Variants in BBOF1 observed in about 807,000 individuals in gnomAD.
The protein encoded by BBOF1 is basal body orientation factor 1.
Under a neutral mutation model 68.0 loss-of-function variants are expected in BBOF1, and 62 were observed. The ratio of observed to expected loss-of-function variants is 0.91; its 90% CI spans 0.74 to 1.13. The LOEUF is 1.13. BBOF1 is among the 50% of genes most tolerant of loss of function. The pLI, the probability that BBOF1 is intolerant of heterozygous loss-of-function variation, is 0.00. For synonymous variants in BBOF1, 208 were observed against 198.8 expected (o/e 1.05, Z -0.39); for missense variants, 534 against 600.1 (o/e 0.89, Z 1.15).
intron 11 of BBOF1, chr14:74,057,902 T>G: frequency 8.0e-6 from 8 of 995,484 alleles, no homozygotes; most frequent in Non-Finnish European, 9.6e-6. Context: ...TTAGTGTGTT[T>G]TTTTAGAAGT....
downstream of BBOF1, among the ~76,000 whole-genome samples, chr14:74,069,556 T>TAG: frequency 6.6e-6 from 1 of 151,532 alleles, no homozygotes; most frequent in East Asian, 2.0e-4. Flanking sequence ...TTCGAGACCT[T>TAG]CCTAGCCAAT....
At chr14:74,055,330 G>T in intron 8 of BBOF1, 1 of 352,836 alleles carries the variant, frequency 2.8e-6, no homozygotes, top group East Asian at 7.8e-5. Context: ...TGTATTTTTA[G>T]TAGAGACGAG....
At chr14:74,074,984 A>G in intron 9 of BBOF1, 2 of 1,614,100 alleles carry the variant, frequency 1.2e-6, no homozygotes, top group Non-Finnish European at 1.7e-6. Context: ...GATGCTGAAT[A>G]CCAGGTGGGA....
chr14:74,021,332 C>A (rs1259948100), intron 1 of BBOF1, among the ~76,000 whole-genome samples: 1 of 152,082 alleles, frequency 6.6e-6, no homozygotes, highest in Non-Finnish European at 1.5e-5. Context: ...GTGGCTCATG[C>A]CCAGCACTTT....
chr14:74,062,431 G>A (rs1446523057), intron 11 of BBOF1, among the ~76,000 whole-genome samples: 1 of 151,986 alleles, frequency 6.6e-6, no homozygotes, highest in East Asian at 1.9e-4. Flanking sequence ...GCGAAACCCC[G>A]TCTCTACTAC....
rs139062318 is a variant in BBOF1, at chr14:74,039,282, A to G, written c.496-1283A>G. The stretch of plus-strand genomic sequence containing the variant: ...AAATATTTTCTATAACATTTTTTCA[A>G]TAGATGCACGGAATTCCATTGGGTA... On this transcript the variant is annotated intron_variant, in intron 4 of 11. Coordinates refer to ENST00000394009, the MANE Select transcript of BBOF1 (RefSeq NM_025057.3). 4.7e-3 allele frequency among the ~76,000 whole-genome samples: 715 copies of G among 152,316 alleles called. 2 individuals carry two copies. Among genetic ancestry groups the G allele is most frequent in the African/African-American group, 0.015 (604 of 41,568 alleles).
At chr14:74,068,388 G>A (rs995950093), downstream of BBOF1, among the ~76,000 whole-genome samples, 2 of 150,606 alleles carry the variant, frequency 1.3e-5, no homozygotes, top group Admixed American at 1.3e-4. Flanking sequence ...CAAAAAAAAA[G>A]AAAAAAAGTG....
chr14:74,061,072 G>A (rs550206020), intron 11 of BBOF1, among the ~76,000 whole-genome samples: 33 of 152,010 alleles, frequency 2.2e-4, no homozygotes, highest in African/African-American at 6.5e-4. Context: ...CTGCCTCCCG[G>A]GTTCAAGCAG....
chr14:74,067,881 C>T (rs1034247620), downstream of BBOF1, among the ~76,000 whole-genome samples: 1 of 151,646 alleles, frequency 6.6e-6, no homozygotes, highest in Non-Finnish European at 1.5e-5. Context: ...GCCAAGATCA[C>T]ACCATTGTAC....
intron 9 of BBOF1, among the ~76,000 whole-genome samples, chr14:74,073,395 G>A (rs967148052): frequency 2.0e-5 from 3 of 151,608 alleles, no homozygotes; most frequent in African/African-American, 2.4e-5. Context: ...GTGAGTCATC[G>A]TGCCCAGACT....
intron 10 of BBOF1, among the ~76,000 whole-genome samples, chr14:74,079,653 C>T (rs1244577930): frequency 6.6e-6 from 1 of 151,774 alleles, no homozygotes; most frequent in Non-Finnish European, 1.5e-5. Flanking sequence ...AGGATGGTCT[C>T]GATCTCCTGA....
chr14:74,078,126 A>T (rs1863312516), intron 9 of BBOF1: 1 of 448,054 alleles, frequency 2.2e-6, no homozygotes, highest in African/African-American at 2.0e-5. Context: ...CCACAACTTT[A>T]TCTTAAAACT....
chr14:74,068,651 G>T (rs1595120833), downstream of BBOF1, among the ~76,000 whole-genome samples: 4 of 152,108 alleles, frequency 2.6e-5, no homozygotes, highest in East Asian at 7.8e-4. Flanking sequence ...GCTGAGGCAG[G>T]AGAATCGCTT....
At chr14:74,058,767 G>A (rs969945517) in intron 11 of BBOF1, 1 of 152,606 alleles carries the variant, frequency 6.6e-6, no homozygotes, top group Non-Finnish European at 1.5e-5. Context: ...CTGACCTTAA[G>A]TTTAGATATA....
chr14:74,062,648 A>G (rs2060373378), intron 11 of BBOF1, among the ~76,000 whole-genome samples: 1 of 152,174 alleles, frequency 6.6e-6, no homozygotes, highest in African/African-American at 2.4e-5. Flanking sequence ...TATACAAACT[A>G]TATAATCAAC....
intron 9 of BBOF1, chr14:74,072,072 C>G (rs1380914396): frequency 6.4e-7 from 1 of 1,563,066 alleles, no homozygotes; most frequent in African/African-American, 1.4e-5. Flanking sequence ...AGATGCAGTA[C>G]AAGGGAGAGA....
intron 8 of BBOF1, among the ~76,000 whole-genome samples, chr14:74,054,659 G>C (rs1363526038): frequency 6.8e-6 from 1 of 146,146 alleles, no homozygotes; most frequent in Admixed American, 6.9e-5. Context: ...TTACGGGTGT[G>C]AGCCACCGCA....
chr14:74,048,090 G>T lies in BBOF1; in HGVS notation c.792+16G>T. 2 of 1,596,706 alleles carry T rather than the reference G, an allele frequency of 1.3e-6. No individual in the cohort carries two copies. Among genetic ancestry groups the T allele is most frequent in the Non-Finnish European group, 1.7e-6 (2 of 1,174,770 alleles). On this transcript the variant is annotated intron_variant, in intron 7 of 11. Transcript: ENST00000394009. ...ACATCAAAAGGTTCCCTCTCATTTAGACTTGGTGTCCTTCTTTTCTTTATT... is the reference window on the plus strand; with the variant it reads ...ACATCAAAAGGTTCCCTCTCATTTATACTTGGTGTCCTTCTTTTCTTTATT...
intron 10 of BBOF1, among the ~76,000 whole-genome samples, chr14:74,078,619 C>T (rs769486016): frequency 2.0e-4 from 31 of 152,336 alleles, no homozygotes; most frequent in Non-Finnish European, 4.0e-4. Flanking sequence ...CCTCCACCTC[C>T]CGGGTTCAAG....
Sources: allele counts gnomAD v4.1 joint callset (sites outside exome capture counted in the v4.1 genomes callset), GRCh38; gene constraint gnomAD v4.1.1; transcripts MANE v1.5; gene names NCBI Gene and HGNC (gene_info 2026-07-23, HGNC 2026-07-21).